ITPR3: variants seen among roughly 807,000 people sequenced by gnomAD.
The protein encoded by ITPR3 is inositol 1,4,5-trisphosphate-gated calcium channel ITPR3.
In ITPR3, 173 loss-of-function variants were observed where a neutral mutation model predicts 293.2. That is an observed-to-expected ratio of 0.59 (90% confidence interval 0.52 to 0.67). The LOEUF is 0.67. Among genes scored for constraint, ITPR3 ranks in the 30% least tolerant of loss-of-function variants. The pLI is 0.00. For missense variants in ITPR3, 2,796 were observed against 3,592.1 expected (o/e 0.78, Z 5.66); for synonymous variants, 1,295 against 1,444.4 (o/e 0.90, Z 2.35).
rs1189251494 is a variant in ITPR3, at chr6:33,638,126, T to C, written c.90-2358T>C. ...GTTCAAGCGATTCTTCTGCCTCAGC[T>C]TCCTGTGTAGCTGGGATTACAGGCG... On this transcript the variant is annotated intron_variant, in intron 1 of 57. Transcript: ENST00000605930. The surrounding 1 kb of genome is among the most constrained non-coding windows in gnomAD (Gnocchi z 4.3). Among the ~76,000 whole-genome samples, 1 of 152,070 alleles carries C rather than the reference T, an allele frequency of 6.6e-6. No homozygotes were observed. Among genetic ancestry groups the C allele is most frequent in the Non-Finnish European group, 1.5e-5 (1 of 67,994 alleles).
chr6:33,685,925 G>A, intron 41 of ITPR3, 98 bp downstream of exon 41: 2 of 1,518,426 alleles, frequency 1.3e-6, no homozygotes, highest in African/African-American at 1.4e-5. Context: ...GGTGTGCCCT[G>A]CCCTGGGCAC....
chr6:33,689,459 T>C, intron 50 of ITPR3, 49 bp downstream of exon 50: 9 of 1,589,950 alleles, frequency 5.7e-6, no homozygotes, highest in Non-Finnish European at 7.7e-6. Context: ...ATGCTCACTG[T>C]GCATTCAGAC....
intron 43 of ITPR3, 142 bp from the exon 44 acceptor site, chr6:33,686,867 C>A: frequency 1.4e-6 from 1 of 697,404 alleles, no homozygotes; most frequent in Non-Finnish European, 2.5e-6. Context: ...TCTCATTAAG[C>A]CGGGGGGAGG....
At position 33,663,009 on chromosome 6, in the gene ITPR3, G is replaced by A; in HGVS notation, c.954+3G>A. On this transcript the variant is annotated splice_donor_region_variant and intron_variant, in intron 9 of 57. Transcript: ENST00000605930. ...CAGGCAACTACCTGGCTGCTGAGGT[G>A]AGCGGGAGGTAGAGGGCATGCTGGG... The A allele has an allele frequency of 6.3e-7, 1 of 1,591,656 alleles. No homozygotes were observed. Among genetic ancestry groups the A allele is most frequent in the African/African-American group, 1.3e-5 (1 of 74,714 alleles).
chr6:33,683,913 AG>A lies in ITPR3; in HGVS notation c.4789-106del. On this transcript the variant is annotated intron_variant, in intron 35 of 57. Coordinates refer to ENST00000605930, the MANE Select transcript of ITPR3 (RefSeq NM_002224.4). The surrounding 1 kb of genome is among the most constrained non-coding windows in gnomAD (Gnocchi z 4.5). ...CTCTGTGGGTGTGGGCCCCTCAGAC[AG>A]AGGCAGGGCAATCTGTGGGGCTGTT... 1 of 1,289,488 alleles carries A rather than the reference AG, an allele frequency of 7.8e-7. No individual in the cohort carries two copies. The highest frequency in any genetic ancestry group is 1.1e-6 in the Non-Finnish European group (1 of 937,014). 79.9% of individuals were successfully genotyped at this position (1,289,488 alleles called of 1,614,324 possible).
intron 1 of ITPR3, among the ~76,000 whole-genome samples, chr6:33,622,444 G>A (rs1561845311): frequency 6.6e-6 from 1 of 152,222 alleles, no homozygotes; most frequent in Non-Finnish European, 1.5e-5. Flanking sequence ...GAGAGGGCAG[G>A]AGAGAAATTA....
At position 33,664,278 on chromosome 6, in the gene ITPR3, A is replaced by G. The variant is rs1369064492; in HGVS notation, c.1148+398A>G. Among the ~76,000 whole-genome samples, 1 of 151,936 alleles carries G rather than the reference A, an allele frequency of 6.6e-6. No homozygotes were observed. Among genetic ancestry groups the G allele is most frequent in the Non-Finnish European group, 1.5e-5 (1 of 68,002 alleles). On this transcript the variant is annotated intron_variant, in intron 11 of 57. Transcript: ENST00000605930. The surrounding 1 kb of genome is among the most constrained non-coding windows in gnomAD (Gnocchi z 4.4). ...TCAGTACAGGCTTTGGCGTGTCCTT[A>G]GCTGTATGACCTCAGGCTGCTACTC...
chr6:33,692,807 T>C lies in ITPR3; in HGVS notation c.7538T>C (p.Phe2513Ser), dbSNP rs1393279290. 1.9e-6 allele frequency: 3 copies of C among 1,614,084 alleles called. No individual in the cohort carries two copies. The highest frequency in any genetic ancestry group is 3.3e-5 in the Admixed American group (2 of 60,020). The stretch of plus-strand genomic sequence containing the variant: ...ATCATCATTGTGCTGAACCTCATCT[T>C]TGGGGTAATCATCGACACCTTCGCT... ...IVIIIVLNLI[F>S]GVIIDTFADL... The change falls in exon 55 of 58, where the codon TTT (phenylalanine) becomes TCT (serine). Residue 2513 changes from phenylalanine (F) to serine (S), a missense_variant. Around this residue, in one of 8 missense-constraint regions of ITPR3, gnomAD observed 568 missense variants for 796.1 expected, o/e 0.71. Coordinates refer to ENST00000605930, the MANE Select transcript of ITPR3 (RefSeq NM_002224.4). The surrounding 1 kb of genome is among the most constrained non-coding windows in gnomAD (Gnocchi z 4.2).
chr6:33,644,287 C>CTT (rs541840395), intron 2 of ITPR3, among the ~76,000 whole-genome samples: 2,404 of 145,606 alleles, frequency 0.017, 73 homozygotes, highest in African/African-American at 0.054. Flanking sequence ...GATCTTTTTA[C>CTT]TTTTTTTTTT....
In ITPR3 at chr6:33,665,184, C is replaced by A. The variant is rs780808015; in HGVS notation, c.1380C>A (p.Asn460Lys). The change falls in exon 13 of 58, where the codon AAC becomes AAA. Residue 460 changes from asparagine (N) to lysine (K), a missense_variant. This residue lies in a region of ITPR3 where 955 missense variants were observed against 1,180.8 expected (regional missense o/e 0.81). Transcript: ENST00000605930. Reference protein sequence around the residue: ...SMLASAVEKLNEGFISQNDRR... With the variant: ...SMLASAVEKLKEGFISQNDRR... ...TGGCCAGTGCCGTGGAGAAACTCAACGAGGGCTTCATCAGCCAGAATGACC... is the reference window on the plus strand; with the variant it reads ...TGGCCAGTGCCGTGGAGAAACTCAAAGAGGGCTTCATCAGCCAGAATGACC... The A allele has an allele frequency of 6.2e-7, 1 of 1,614,102 alleles. No homozygotes were observed. The highest frequency in any genetic ancestry group is 8.5e-7 in the Non-Finnish European group (1 of 1,179,968).
At chr6:33,652,723 C>T (rs1331780380) in intron 2 of ITPR3, among the ~76,000 whole-genome samples, 1 of 152,100 alleles carries the variant, frequency 6.6e-6, no homozygotes, top group African/African-American at 2.4e-5. Flanking sequence ...CTTGGCCTCC[C>T]AAAGTGCTGG....
intron 49 of ITPR3, 111 bp from the exon 50 acceptor site, chr6:33,689,127 A>T: frequency 7.8e-7 from 1 of 1,281,196 alleles, no homozygotes; most frequent in Non-Finnish European, 1.1e-6. Flanking sequence ...GGCACCAGGA[A>T]CTTAACCGGG....
At chr6:33,648,973 C>T (rs1442900279) in intron 2 of ITPR3, among the ~76,000 whole-genome samples, 2 of 152,116 alleles carry the variant, frequency 1.3e-5, no homozygotes, top group Non-Finnish European at 2.9e-5. Context: ...AATCTCGGCT[C>T]ACTGCAACCT....
Position 33,682,618 on chromosome 6 carries a change from C to T in ITPR3, c.4571C>T (p.Ala1524Val). The part of the protein sequence containing the change: ...LQQQHKGSVE[A>V]CIRTLAMVAK... ...CAGCAGCACAAGGGCTCCGTGGAGG[C>T]CTGCATCCGGACCCTCGCCATGGTG... Residue 1524 changes from alanine to valine, a missense_variant, in exon 34 of 58, where the codon GCC (alanine) becomes GTC (valine). Transcript: ENST00000605930. This position sits in a 1 kb window ranked among gnomAD's most constrained non-coding sequence, Gnocchi z 5.4. The T allele has an allele frequency of 6.3e-7, 1 of 1,598,696 alleles. No homozygotes were observed. The highest frequency in any genetic ancestry group is 8.5e-7 in the Non-Finnish European group (1 of 1,173,638).
chr6:33,641,745 C>G (rs912723340), intron 2 of ITPR3, among the ~76,000 whole-genome samples: 1 of 152,140 alleles, frequency 6.6e-6, no homozygotes, highest in African/African-American at 2.4e-5. Context: ...AGCAACACTC[C>G]CGCCTCCACA....
rs1455584045 is a variant in ITPR3 at position 33,679,703 on chromosome 6, T to C, written c.3973-179T>C. Among the ~76,000 whole-genome samples the C allele has an allele frequency of 6.6e-6, 1 of 152,254 alleles. No homozygotes were observed. Among genetic ancestry groups the C allele is most frequent in the African/African-American group, 2.4e-5 (1 of 41,544 alleles). The stretch of plus-strand genomic sequence containing the variant: ...TGGGTCATGGGGTCAATATCTCTGC[T>C]GGCAGAGGGCCTGAGACATCAGCTG... On this transcript the variant is annotated intron_variant, in intron 30 of 57. Coordinates refer to ENST00000605930, the MANE Select transcript of ITPR3 (RefSeq NM_002224.4). The surrounding 1 kb of genome is among the most constrained non-coding windows in gnomAD (Gnocchi z 4.2).
Position 33,664,802 on chromosome 6 carries a change from G to A in ITPR3, c.1149-68G>A. 7.2e-7 allele frequency: 1 copy of A among 1,386,856 alleles called. No homozygotes were observed. Among genetic ancestry groups the A allele is most frequent in the Non-Finnish European group, 1.0e-6 (1 of 988,568 alleles). 85.9% of individuals were successfully genotyped at this position (1,386,856 alleles called of 1,614,324 possible). A position where few individuals can be genotyped will look rare whatever the true frequency, so the allele number is the denominator to read the frequency against. ...CAGCTGTGGCAGTGTTGGGGAGGTAGGCCGGCAGGCAGCATGACGTGCTCT... is the reference window on the plus strand; with the variant it reads ...CAGCTGTGGCAGTGTTGGGGAGGTAAGCCGGCAGGCAGCATGACGTGCTCT... On this transcript the variant is annotated intron_variant, in intron 11 of 57. Coordinates refer to ENST00000605930, the MANE Select transcript of ITPR3 (RefSeq NM_002224.4). This position sits in a 1 kb window ranked among gnomAD's most constrained non-coding sequence, Gnocchi z 4.4.
At chr6:33,628,515 G>T (rs1326210403) in intron 1 of ITPR3, among the ~76,000 whole-genome samples, 1 of 152,268 alleles carries the variant, frequency 6.6e-6, no homozygotes, top group Non-Finnish European at 1.5e-5. Context: ...AGAGAAGTTT[G>T]TAGGGCCTTT....
intron 27 of ITPR3, among the ~76,000 whole-genome samples, 178 bp from the exon 28 acceptor site, chr6:33,677,326 T>A (rs547141251): frequency 1.3e-5 from 2 of 152,198 alleles, no homozygotes; most frequent in Non-Finnish European, 2.9e-5. Context: ...TTTACTTTTA[T>A]GGGTGGAATT....
Sources: gnomAD v4.1 joint callset for allele counts (sites outside exome capture counted in the v4.1 genomes callset) on GRCh38, gnomAD v4.1.1 for gene constraint, gnomAD v4.1.1 regional missense constraint, Gnocchi (gnomAD v3.1) non-coding constraint, MANE v1.5 for transcripts, NCBI Gene and HGNC (gene_info 2026-07-23, HGNC 2026-07-21) for gene names.